Variants in MROH2B observed in about 807,000 individuals in gnomAD.
MROH2B encodes maestro heat like repeat family member 2B.
In MROH2B, 177 loss-of-function variants were observed where a neutral mutation model predicts 208.6. That is an observed-to-expected ratio of 0.85 (90% CI 0.75 to 0.96). The LOEUF (loss-of-function observed/expected upper bound fraction) is 0.96. MROH2B is among the 40% of genes least tolerant of loss of function. MROH2B has a pLI of 0.00. For missense variants in MROH2B, 2,002 were observed against 1,878.7 expected (o/e 1.07, Z -1.21); for synonymous variants, 728 against 659.0 (o/e 1.10, Z -1.60).
chr5:41,002,627 G>A (rs1741432493), intron 37 of MROH2B, among the ~76,000 whole-genome samples: 1 of 152,172 alleles, frequency 6.6e-6, no homozygotes, highest in Admixed American at 6.5e-5. Flanking sequence ...AAGAGTCAAA[G>A]TTTTGTCCAA....
At chr5:41,008,906 G>T in intron 32 of MROH2B, 113 bp from the exon 33 acceptor site, 1 of 1,129,894 alleles carries the variant, frequency 8.9e-7, no homozygotes, top group East Asian at 2.6e-5. Context: ...CACAGAAAAG[G>T]GAGGGTTTAT....
intron 15 of MROH2B, among the ~76,000 whole-genome samples, 175 bp from the exon 16 acceptor site, chr5:41,048,640 C>T (rs887804409): frequency 1.3e-5 from 2 of 152,166 alleles, no homozygotes; most frequent in African/African-American, 4.8e-5. Context: ...TTAGATAGCC[C>T]TTCTCCCATT....
chr5:41,042,311 G>T (rs1742980577), intron 18 of MROH2B, 103 bp from the exon 19 acceptor site: 1 of 676,276 alleles, frequency 1.5e-6, no homozygotes, highest in Admixed American at 2.5e-5. Context: ...AAGAAATTGG[G>T]GTGACTTAAT....
intron 24 of MROH2B, among the ~76,000 whole-genome samples, chr5:41,030,348 T>C (rs1424621183): frequency 6.6e-6 from 1 of 151,918 alleles, no homozygotes; most frequent in Non-Finnish European, 1.5e-5. Context: ...AGCTCTGCTA[T>C]ATACCAACAA....
chr5:41,016,086 C>T (rs963919597), intron 28 of MROH2B, among the ~76,000 whole-genome samples: 8 of 152,184 alleles, frequency 5.3e-5, no homozygotes, highest in East Asian at 1.9e-4. Flanking sequence ...GTGGGACACA[C>T]GTGGACTTTG....
chr5:41,026,086 A>T (rs1322513336), intron 24 of MROH2B, among the ~76,000 whole-genome samples: 1 of 152,198 alleles, frequency 6.6e-6, no homozygotes, highest in African/African-American at 2.4e-5. Context: ...TATCATACGA[A>T]TGAGCAAAAA....
intron 6 of MROH2B, among the ~76,000 whole-genome samples, chr5:41,060,029 A>G (rs1743586657): frequency 6.6e-6 from 1 of 152,160 alleles, no homozygotes; most frequent in Non-Finnish European, 1.5e-5. Context: ...CCCATTTTGT[A>G]CTGTCCCACA....
chr5:41,067,047 G>A, intron 3 of MROH2B, 61 bp downstream of exon 3: 1 of 886,988 alleles, frequency 1.1e-6, no homozygotes, highest in Non-Finnish European at 1.8e-6. Context: ...GCTTACTGAT[G>A]TCCACATGGG....
intron 32 of MROH2B, among the ~76,000 whole-genome samples, chr5:41,009,015 T>C (rs1741684014): frequency 6.6e-6 from 1 of 152,114 alleles, no homozygotes; most frequent in African/African-American, 2.4e-5. Flanking sequence ...ATTGGGGTTT[T>C]TCAACAAAAA....
chr5:41,007,886 C>A (rs929736836), intron 33 of MROH2B, among the ~76,000 whole-genome samples: 1 of 152,120 alleles, frequency 6.6e-6, no homozygotes, highest in African/African-American at 2.4e-5. Flanking sequence ...CTTTATATTA[C>A]CATCATTTTA....
intron 21 of MROH2B, among the ~76,000 whole-genome samples, chr5:41,034,808 G>A (rs930738131): frequency 6.6e-6 from 1 of 152,014 alleles, no homozygotes; most frequent in African/African-American, 2.4e-5. Context: ...CACCAGTAAT[G>A]TCCAGGCTGA....
intron 6 of MROH2B, 80 bp from the exon 7 acceptor site, chr5:41,058,283 G>T: frequency 7.4e-7 from 1 of 1,344,468 alleles, no homozygotes; most frequent in African/African-American, 1.5e-5. Flanking sequence ...GGAGCTTTAG[G>T]TACTCCTGAA....
chr5:40,998,683 G>A lies in MROH2B; in HGVS notation c.4586-6C>T. 1 of 1,573,780 alleles carries A rather than the reference G, an allele frequency of 6.4e-7. No homozygotes were observed. The highest frequency in any genetic ancestry group is 8.6e-7 in the Non-Finnish European group (1 of 1,157,636). On this transcript the variant is annotated splice_polypyrimidine_tract_variant and splice_region_variant and intron_variant, in intron 40 of 41. Transcript: ENST00000399564. ...CAAATTGAGAACAACGGCATCTAAA[G>A]TTAATAGGAGACCATGTTACTGATT...
intron 11 of MROH2B, 136 bp from the exon 12 acceptor site, chr5:41,052,723 A>C: frequency 1.3e-6 from 1 of 756,914 alleles, no homozygotes; most frequent in Non-Finnish European, 1.9e-6. Context: ...AATAGTGTTA[A>C]TACAGATTGA....
chr5:41,068,774 ACTGAGAGATTAATGTAAT>A (rs1743887945), intron 2 of MROH2B, among the ~76,000 whole-genome samples: 1 of 152,182 alleles, frequency 6.6e-6, no homozygotes, highest in Non-Finnish European at 1.5e-5. Context: ...GGTGACTTCT[ACTGAGAGATTAATGTAAT>A]GGTTTTCAAC....
intron 13 of MROH2B, 58 bp from the exon 14 acceptor site, chr5:41,049,494 G>C: frequency 6.5e-7 from 1 of 1,530,206 alleles, no homozygotes; most frequent in Non-Finnish European, 8.8e-7. Context: ...ATTTCTCCCT[G>C]GTCCTCACTG....
chr5:41,008,178 G>A (rs973731383), intron 33 of MROH2B, among the ~76,000 whole-genome samples: 4 of 152,098 alleles, frequency 2.6e-5, no homozygotes, highest in African/African-American at 9.7e-5. Flanking sequence ...GCTTACTTTG[G>A]AGTTCTTTTC....
At chr5:41,064,908 C>T (rs1235510994) in intron 4 of MROH2B, among the ~76,000 whole-genome samples, 1 of 152,172 alleles carries the variant, frequency 6.6e-6, no homozygotes, top group African/African-American at 2.4e-5. Context: ...TTATTAATGT[C>T]AATCTCTCCC....
intron 24 of MROH2B, among the ~76,000 whole-genome samples, chr5:41,026,879 T>C (rs2150162982): frequency 6.6e-6 from 1 of 152,122 alleles, no homozygotes; most frequent in East Asian, 1.9e-4. Context: ...TCAGAAATAA[T>C]ACCACACATT....
Sources: allele counts gnomAD v4.1 joint callset (sites outside exome capture counted in the v4.1 genomes callset), GRCh38; gene constraint gnomAD v4.1.1; transcripts MANE v1.5; gene names NCBI Gene and HGNC (gene_info 2026-07-23, HGNC 2026-07-21).